DNAH11: variants seen among roughly 807,000 people sequenced by gnomAD.
DNAH11 encodes the protein axonemal beta dynein heavy chain 11.
In DNAH11, 442 loss-of-function variants were observed where a neutral mutation model predicts 526.0. The ratio of observed to expected loss-of-function variants is 0.84; its 90% CI spans 0.78 to 0.91. DNAH11 has a LOEUF of 0.91. Among genes scored for constraint, DNAH11 ranks in the 40% least tolerant of loss-of-function variants. The pLI is 0.00. For missense variants in DNAH11, 6,989 were observed against 5,448.7 expected (o/e 1.28, Z -8.90); for synonymous variants, 2,461 against 1,935.9 (o/e 1.27, Z -7.12).
At chr7:21,796,397 G>C (rs1196844316) in intron 61 of DNAH11, among the ~76,000 whole-genome samples, 1 of 152,094 alleles carries the variant, frequency 6.6e-6, no homozygotes, top group African/African-American at 2.4e-5. Flanking sequence ...AGATAGCTGT[G>C]GGCCAATGAA....
At chr7:21,679,866 T>A (rs1177355085) in intron 30 of DNAH11, among the ~76,000 whole-genome samples, 7 of 152,332 alleles carry the variant, frequency 4.6e-5, no homozygotes, top group Admixed American at 2.6e-4. Flanking sequence ...CTTTCTTTTT[T>A]AAAAAATTTT....
At chr7:21,724,894 T>C (rs76454241) in intron 44 of DNAH11, among the ~76,000 whole-genome samples, 20 of 124,362 alleles carry the variant, frequency 1.6e-4, no homozygotes, top group East Asian at 1.2e-3. Flanking sequence ...TGGGCCAGAT[T>C]ATCCTATGGA....
chr7:21,592,277 G>T (rs966427778), intron 14 of DNAH11, among the ~76,000 whole-genome samples: 1 of 152,174 alleles, frequency 6.6e-6, no homozygotes, highest in Non-Finnish European at 1.5e-5. Flanking sequence ...AGTCGCTTGC[G>T]GGTAGGGTGG....
chr7:21,900,763 A>G (rs930254411), intron 81 of DNAH11: 1 of 397,030 alleles, frequency 2.5e-6, no homozygotes, highest in African/African-American at 2.1e-5. Flanking sequence ...CCCATTTCAT[A>G]AAATCAGCTT....
intron 66 of DNAH11, among the ~76,000 whole-genome samples, chr7:21,846,878 T>G (rs1782441505): frequency 6.6e-6 from 1 of 152,190 alleles, no homozygotes; most frequent in African/African-American, 2.4e-5. Flanking sequence ...GTTAATTTAT[T>G]TAATGCATAT....
rs1430025875 is a variant in DNAH11, at chr7:21,612,084, T to C, written c.3853-3030T>C. Among the ~76,000 whole-genome samples the C allele has an allele frequency of 3.9e-5, 6 of 152,134 alleles. 1 individual carries two copies. The highest frequency in any genetic ancestry group is 3.9e-4 in the Admixed American group (6 of 15,272). On this transcript the variant is annotated intron_variant, in intron 20 of 81. Transcript: ENST00000409508. The stretch of plus-strand genomic sequence containing the variant: ...CAGAAACAGCAGATATTCAAAAATA[T>C]AGAGCACTATTAATAAGAAACTTAA...
chr7:21,592,212 T>C (rs1262071123), intron 14 of DNAH11, among the ~76,000 whole-genome samples: 2 of 152,190 alleles, frequency 1.3e-5, no homozygotes, highest in South Asian at 2.1e-4. Context: ...CAAATAGATA[T>C]GTCAGTTGTA....
At chr7:21,786,512 G>T in intron 58 of DNAH11, 112 bp from the exon 59 acceptor site, 1 of 1,361,446 alleles carries the variant, frequency 7.3e-7, no homozygotes, top group Non-Finnish European at 9.8e-7. Context: ...ATTGAGACTG[G>T]TTTGATAAGG....
intron 54 of DNAH11, among the ~76,000 whole-genome samples, chr7:21,761,893 C>T (rs1482689490): frequency 6.6e-6 from 1 of 152,058 alleles, no homozygotes; most frequent in African/African-American, 2.4e-5. Flanking sequence ...TAAAGAAATG[C>T]CCGAGACTGG....
intron 30 of DNAH11, among the ~76,000 whole-genome samples, chr7:21,673,071 T>C (rs1258131851): frequency 6.6e-6 from 1 of 152,172 alleles, no homozygotes; most frequent in Non-Finnish European, 1.5e-5. Context: ...AGGTGTAAGA[T>C]CTTGTCTTTT....
Position 21,901,342 on chromosome 7 carries a change from A to ACTTTTTAGTAACTC in DNAH11, c.*88_*89insCTTTTTAGTAACTC. The ACTTTTTAGTAACTC allele has an allele frequency of 7.2e-7, 1 of 1,393,976 alleles. No individual in the cohort carries two copies. The highest frequency in any genetic ancestry group is 9.4e-7 in the Non-Finnish European group (1 of 1,064,358). 86.4% of individuals were successfully genotyped at this position (1,393,976 alleles called of 1,614,324 possible). A position where few individuals can be genotyped will look rare whatever the true frequency, so the allele number is the denominator to read the frequency against. ...GCACTGTTCCCATGCACATTATTCT[A>ACTTTTTAGTAACTC]ACTTTTTAGTAACTCACACGTGCAT... On this transcript the variant is annotated 3_prime_UTR_variant, in exon 82 of 82. Coordinates refer to ENST00000409508, the MANE Select transcript of DNAH11 (RefSeq NM_001277115.2).
At chr7:21,728,999 C>T (rs144520703) in intron 45 of DNAH11, among the ~76,000 whole-genome samples, 226 of 152,330 alleles carry the variant, frequency 1.5e-3, no homozygotes, top group African/African-American at 5.2e-3. Context: ...GGGCACTGGG[C>T]GGTAGCATCC....
chr7:21,820,349 G>T (rs983003421), intron 65 of DNAH11, among the ~76,000 whole-genome samples: 2 of 152,140 alleles, frequency 1.3e-5, no homozygotes, highest in Non-Finnish European at 2.9e-5. Flanking sequence ...GGTGATAGAC[G>T]TATACATGGC....
At chr7:21,650,280 C>T (rs546192961) in intron 28 of DNAH11, among the ~76,000 whole-genome samples, 1 of 152,108 alleles carries the variant, frequency 6.6e-6, no homozygotes, top group South Asian at 2.1e-4. Context: ...TTATTTTTGG[C>T]AAAAGCAAAT....
At chr7:21,669,604 A>AT (rs943001114) in intron 30 of DNAH11, among the ~76,000 whole-genome samples, 11 of 148,142 alleles carry the variant, frequency 7.4e-5, no homozygotes, top group South Asian at 4.3e-4. Flanking sequence ...AGTGTATCAC[A>AT]TTTTTTTTTC....
chr7:21,678,236 G>GTT (rs199857777), intron 30 of DNAH11, among the ~76,000 whole-genome samples: 1 of 150,118 alleles, frequency 6.7e-6, no homozygotes, highest in Admixed American at 6.6e-5. Context: ...TTCATTTTGA[G>GTT]TTTTTTTTGT....
rs560422029 is a variant in DNAH11 at position 21,826,521 on chromosome 7, C to T, written c.10691+8182C>T. ...GAACAGAAAATTTTTGAAAATTAAT[C>T]TACATGTTTGTAAATTTTATAATGG... On this transcript the variant is annotated intron_variant, in intron 65 of 81. Transcript: ENST00000409508. Among the ~76,000 whole-genome samples the T allele has an allele frequency of 1.6e-4, 25 of 152,012 alleles. 2 individuals carry two copies. In the South Asian group the frequency reaches 1.7e-3, roughly 10 times the overall value.
At chr7:21,656,884 G>T (rs529784946) in intron 29 of DNAH11, among the ~76,000 whole-genome samples, 1 of 152,062 alleles carries the variant, frequency 6.6e-6, no homozygotes, top group Non-Finnish European at 1.5e-5. Context: ...TGATCTCTTG[G>T]GCTTTTTAGG....
At chr7:21,728,297 G>A (rs534519420) in intron 45 of DNAH11, among the ~76,000 whole-genome samples, 1 of 113,666 alleles carries the variant, frequency 8.8e-6, no homozygotes, top group Non-Finnish European at 1.7e-5. Context: ...TTACTCTGTT[G>A]CCCAGGCTGG....
Sources: gnomAD v4.1 joint callset for allele counts (sites outside exome capture counted in the v4.1 genomes callset) on GRCh38, gnomAD v4.1.1 for gene constraint, MANE v1.5 for transcripts, NCBI Gene and HGNC (gene_info 2026-07-23, HGNC 2026-07-21) for gene names.